PARD3B: variants seen among roughly 807,000 people sequenced by gnomAD.
The protein encoded by PARD3B is partitioning defective 3 homolog B.
A neutral mutation model predicts 130.2 loss-of-function variants in PARD3B; 103 were observed. The ratio of observed to expected loss-of-function variants is 0.79; its 90% CI spans 0.67 to 0.93. The LOEUF (loss-of-function observed/expected upper bound fraction) is 0.93. Among genes scored for constraint, PARD3B ranks in the 40% least tolerant of loss-of-function variants. PARD3B has a pLI of 0.00. For missense variants in PARD3B, 1,609 were observed against 1,499.2 expected (o/e 1.07, Z -1.21); for synonymous variants, 583 against 553.2 (o/e 1.05, Z -0.76).
intron 21 of PARD3B, among the ~76,000 whole-genome samples, chr2:205,502,647 G>A (rs1485062079): frequency 6.6e-6 from 1 of 151,950 alleles, no homozygotes; most frequent in East Asian, 1.9e-4. Context: ...CTGAACTATG[G>A]AGAAGGAAAT....
rs779244384 is a variant in PARD3B at position 205,440,634 on chromosome 2, G to A, written c.3006G>A (p.Lys1002=). ...ERDHLEGLYA[K]VNKPYHPLVP... ...ACCACTTAGAGGGTCTCTATGCCAAGGTCAACAAGCCATACCATCCACTGG... is the reference window on the plus strand; with the variant it reads ...ACCACTTAGAGGGTCTCTATGCCAAAGTCAACAAGCCATACCATCCACTGG... The change falls in exon 20 of 23, where the codon AAG becomes AAA. Residue 1002 remains lysine (K), a synonymous_variant. Coordinates refer to ENST00000406610, the MANE Select transcript of PARD3B (RefSeq NM_001302769.2). This position sits in a 1 kb window ranked among gnomAD's most constrained non-coding sequence, Gnocchi z 4.2. The A allele has an allele frequency of 3.7e-6, 6 of 1,613,806 alleles. No homozygotes were observed. The highest frequency in any genetic ancestry group is 5.1e-6 in the Non-Finnish European group (6 of 1,179,890).
At chr2:205,037,062 T>C (rs1697997608) in intron 3 of PARD3B, among the ~76,000 whole-genome samples, 1 of 131,390 alleles carries the variant, frequency 7.6e-6, no homozygotes. Context: ...TATACATATG[T>C]AGCGGACTGT....
chr2:205,218,178 CA>C (rs1336948842), intron 15 of PARD3B, among the ~76,000 whole-genome samples: 1 of 151,868 alleles, frequency 6.6e-6, no homozygotes. Flanking sequence ...AGACATGAGC[CA>C]CCACGCCCAG....
intron 2 of PARD3B, among the ~76,000 whole-genome samples, chr2:204,909,637 T>G (rs532744420): frequency 6.6e-6 from 1 of 152,248 alleles, no homozygotes; most frequent in South Asian, 2.1e-4. Flanking sequence ...ATGAAGATAA[T>G]CATAGTACCT....
chr2:204,550,089 C>T (rs979558231), intron 1 of PARD3B, among the ~76,000 whole-genome samples: 7 of 152,154 alleles, frequency 4.6e-5, no homozygotes, highest in African/African-American at 4.8e-5. Context: ...ACAGTTGTCC[C>T]TTAGTATCCA....
At position 204,721,958 on chromosome 2, in the gene PARD3B, A is replaced by C. The variant is rs182279814; in HGVS notation, c.222+35676A>C. Among the ~76,000 whole-genome samples the C allele has an allele frequency of 3.8e-3, 572 of 152,280 alleles. 2 individuals carry two copies. The highest frequency in any genetic ancestry group is 6.1e-3 in the Non-Finnish European group (415 of 68,014). On this transcript the variant is annotated intron_variant, in intron 2 of 22. Transcript: ENST00000406610. The stretch of plus-strand genomic sequence containing the variant: ...GCAGAGGCACTTTGTAAACTGTAAG[A>C]AACTCTAATGATATTTTAGTGCCTT...
At chr2:205,411,575 A>T (rs1308257064) in intron 19 of PARD3B, among the ~76,000 whole-genome samples, 2 of 152,064 alleles carry the variant, frequency 1.3e-5, no homozygotes, top group East Asian at 3.8e-4. Flanking sequence ...TTATTTTCTG[A>T]CCTGCTTTGG....
chr2:204,655,747 T>C (rs2035617391), intron 1 of PARD3B, among the ~76,000 whole-genome samples: 1 of 152,086 alleles, frequency 6.6e-6, no homozygotes, highest in African/African-American at 2.4e-5. Flanking sequence ...TCAGCATATA[T>C]ATCTGAATAA....
At position 205,292,854 on chromosome 2, in the gene PARD3B, T is replaced by C. The variant is rs2041658362; in HGVS notation, c.2186-7676T>C. ...TAGTCACATTTATCTTCCATTCCTC[T>C]TAGGACCAAGCACAGTTATGAGCCA... On this transcript the variant is annotated intron_variant, in intron 16 of 22. Coordinates refer to ENST00000406610, the MANE Select transcript of PARD3B (RefSeq NM_001302769.2). This position sits in a 1 kb window ranked among gnomAD's most constrained non-coding sequence, Gnocchi z 5.3. Among the ~76,000 whole-genome samples, 1 of 152,168 alleles carries C rather than the reference T, an allele frequency of 6.6e-6. No homozygotes were observed.
At chr2:205,112,216 A>C (rs184749030) in intron 5 of PARD3B, among the ~76,000 whole-genome samples, 8 of 152,232 alleles carry the variant, frequency 5.3e-5, no homozygotes, top group East Asian at 3.9e-4. Context: ...TTATTACCAG[A>C]TTTGAAATTT....
At chr2:205,538,268 G>C (rs910557996) in intron 21 of PARD3B, among the ~76,000 whole-genome samples, 1 of 152,160 alleles carries the variant, frequency 6.6e-6, no homozygotes, top group Non-Finnish European at 1.5e-5. Flanking sequence ...GCTTCCCAGA[G>C]GACCTGGTGA....
At position 205,021,379 on chromosome 2, in the gene PARD3B, T is replaced by C. The variant is rs760341021; in HGVS notation, c.395-26202T>C. ...TGTACATGGTAAGGAAATTATGTATTGTAGATTTTCCTGATTCTGGGCATG... is the reference window on the plus strand; with the variant it reads ...TGTACATGGTAAGGAAATTATGTATCGTAGATTTTCCTGATTCTGGGCATG... On this transcript the variant is annotated intron_variant, in intron 3 of 22. Coordinates refer to ENST00000406610, the MANE Select transcript of PARD3B (RefSeq NM_001302769.2). The surrounding 1 kb of genome is among the most constrained non-coding windows in gnomAD (Gnocchi z 4.5). Among the ~76,000 whole-genome samples, 2 of 152,138 alleles carry C rather than the reference T, an allele frequency of 1.3e-5. No homozygotes were observed. Among genetic ancestry groups the C allele is most frequent in the African/African-American group, 4.8e-5 (2 of 41,432 alleles).
chr2:205,509,976 C>T (rs916196906), intron 21 of PARD3B, among the ~76,000 whole-genome samples: 2 of 152,234 alleles, frequency 1.3e-5, no homozygotes, highest in African/African-American at 4.8e-5. Context: ...TTCTAAACTA[C>T]TCCTGTCCAC....
chr2:204,779,738 A>G (rs934799129), intron 2 of PARD3B, among the ~76,000 whole-genome samples: 7 of 152,186 alleles, frequency 4.6e-5, no homozygotes, highest in Admixed American at 1.3e-4. Context: ...AGTGGATGGT[A>G]TTCGAGGCCA....
rs2042760640 is a variant in PARD3B, at chr2:205,321,775, A to T, written c.2630+20074A>T. On this transcript the variant is annotated intron_variant, in intron 18 of 22. Transcript: ENST00000406610. This position sits in a 1 kb window ranked among gnomAD's most constrained non-coding sequence, Gnocchi z 4.2. ...TTTTTGTGGGGTTTATCACTATCTA[A>T]TCTAAAAACATAAATTAAGTCAGTG... is the stretch of plus-strand genomic sequence containing the variant. 1.3e-5 allele frequency among the ~76,000 whole-genome samples: 2 copies of T among 152,248 alleles called. No homozygotes were observed. Among genetic ancestry groups the T allele is most frequent in the Admixed American group, 1.3e-4 (2 of 15,288 alleles).
chr2:205,581,617 C>A (rs1280568453), intron 22 of PARD3B, among the ~76,000 whole-genome samples: 1 of 150,186 alleles, frequency 6.7e-6, no homozygotes, highest in Non-Finnish European at 1.5e-5. Context: ...TCGGAATGTT[C>A]CTAACACAAA....
At chr2:205,316,349 T>A (rs1325011189) in intron 18 of PARD3B, among the ~76,000 whole-genome samples, 1 of 151,684 alleles carries the variant, frequency 6.6e-6, no homozygotes, top group East Asian at 1.9e-4. Context: ...CGGGAAGAAA[T>A]GAGGTTAGAT....
chr2:205,380,941 TATAA>T (rs1559035038), intron 18 of PARD3B, among the ~76,000 whole-genome samples: 2 of 70,466 alleles, frequency 2.8e-5, no homozygotes, highest in African/African-American at 8.4e-5. Context: ...AAAGAATATA[TATAA>T]TATATAATGT....
At chr2:204,971,404 T>C (rs1559313247) in intron 3 of PARD3B, among the ~76,000 whole-genome samples, 1 of 152,196 alleles carries the variant, frequency 6.6e-6, no homozygotes, top group Admixed American at 6.5e-5. Flanking sequence ...CATATAAGCA[T>C]GTGAGGGTTC....
Sources: gnomAD v4.1 joint callset for allele counts (sites outside exome capture counted in the v4.1 genomes callset) on GRCh38, gnomAD v4.1.1 for gene constraint, Gnocchi (gnomAD v3.1) non-coding constraint, MANE v1.5 for transcripts, NCBI Gene and HGNC (gene_info 2026-07-23, HGNC 2026-07-21) for gene names.